The following SEMA6A variants were observed in gnomAD, a reference collection of about 807,000 sequenced individuals.
The protein encoded by SEMA6A is semaphorin-6A.
Under a neutral mutation model 96.8 loss-of-function variants are expected in SEMA6A, and 25 were observed. That is an observed-to-expected ratio of 0.26 (90% confidence interval 0.19 to 0.36). SEMA6A has a LOEUF of 0.36. SEMA6A is among the 10% of genes least tolerant of loss of function. The pLI is 1.00. For synonymous variants in SEMA6A, 612 were observed against 518.0 expected, an observed-to-expected ratio of 1.18 and a Z score of -2.46; for missense variants, 1,363 against 1,323.1, an observed-to-expected ratio of 1.03 and a Z score of -0.47.
chr5:116,502,872 T>C (rs1580445969), intron 2 of SEMA6A, among the ~76,000 whole-genome samples: 1 of 152,326 alleles, frequency 6.6e-6, no homozygotes, highest in East Asian at 1.9e-4. Flanking sequence ...GAGAGGTTGG[T>C]TGGCATTCTA....
At chr5:116,529,982 G>A (rs1224017058) in intron 1 of SEMA6A, among the ~76,000 whole-genome samples, 5 of 151,626 alleles carry the variant, frequency 3.3e-5, no homozygotes, top group Admixed American at 6.6e-5. Context: ...GTATACCCTC[G>A]GAACCTAAAA....
At chr5:116,562,990 G>T (rs1015419400) in intron 1 of SEMA6A, 1 of 557,614 alleles carries the variant, frequency 1.8e-6, no homozygotes, top group Non-Finnish European at 3.4e-6. Flanking sequence ...CAGGAAGGGG[G>T]GTCGCCGTGG....
intron 1 of SEMA6A, among the ~76,000 whole-genome samples, chr5:116,571,986 C>T (rs567027486): frequency 6.6e-6 from 1 of 152,218 alleles, no homozygotes; most frequent in African/African-American, 2.4e-5. Context: ...CCCGCCATCA[C>T]TGTAGCATAC....
intron 1 of SEMA6A, among the ~76,000 whole-genome samples, chr5:116,509,105 C>T (rs2112785820): frequency 6.6e-6 from 1 of 152,294 alleles, no homozygotes; most frequent in South Asian, 2.1e-4. Flanking sequence ...CATCAAGTTG[C>T]ATGGAGGACT....
In SEMA6A at chr5:116,446,393, G is replaced by A. The variant is rs142988530; in HGVS notation, c.*220C>T. On this transcript the variant is annotated 3_prime_UTR_variant, in exon 19 of 19. Coordinates refer to ENST00000343348, the MANE Select transcript of SEMA6A (RefSeq NM_020796.5). ...TAGGGTGTGGGGGAAAGTGAAGGAAGAGAATGAAGGTGAGTCCCCGCCGTT... is the reference window on the plus strand; with the variant it reads ...TAGGGTGTGGGGGAAAGTGAAGGAAAAGAATGAAGGTGAGTCCCCGCCGTT... 3.6e-3 allele frequency: 1,661 copies of A among 459,020 alleles called. 10 individuals are homozygous for A. Among genetic ancestry groups the A allele is most frequent in the Non-Finnish European group, 5.5e-3 (1,450 of 262,210 alleles). The allele number at this position is 459,020 out of a possible 1,614,324, so 28.4% of individuals were successfully genotyped here. A position where few individuals can be genotyped will look rare whatever the true frequency, so the allele number is the denominator to read the frequency against.
intron 17 of SEMA6A, among the ~76,000 whole-genome samples, chr5:116,470,906 T>G (rs1756093116): frequency 1.3e-5 from 2 of 152,194 alleles, no homozygotes; most frequent in Non-Finnish European, 2.9e-5. Flanking sequence ...TGTTTCTTCT[T>G]TCGATGCTAC....
At chr5:116,494,160 A>G (rs1336028808) in intron 6 of SEMA6A, among the ~76,000 whole-genome samples, 1 of 152,050 alleles carries the variant, frequency 6.6e-6, no homozygotes, top group Non-Finnish European at 1.5e-5. Flanking sequence ...CTACATCTCC[A>G]GTTTTTTCTG....
intron 3 of SEMA6A, among the ~76,000 whole-genome samples, chr5:116,498,234 T>G (rs998437753): frequency 2.0e-5 from 3 of 152,146 alleles, no homozygotes; most frequent in Non-Finnish European, 4.4e-5. Context: ...CAGCTCATTT[T>G]CCCTTGAAAT....
chr5:116,530,198 A>G (rs1414911477), intron 1 of SEMA6A, among the ~76,000 whole-genome samples: 1 of 152,164 alleles, frequency 6.6e-6, no homozygotes, highest in Non-Finnish European at 1.5e-5. Flanking sequence ...TAGAAGAGAA[A>G]TATCTCAGTG....
At chr5:116,508,386 A>G (rs1041871283) in intron 1 of SEMA6A, 12 of 152,204 alleles carry the variant, frequency 7.9e-5, no homozygotes, top group African/African-American at 2.2e-4. Flanking sequence ...ATGATTACAA[A>G]GTCAGAGAAT....
At chr5:116,533,125 C>G (rs1456967372) in intron 1 of SEMA6A, among the ~76,000 whole-genome samples, 1 of 152,198 alleles carries the variant, frequency 6.6e-6, no homozygotes, top group African/African-American at 2.4e-5. Context: ...TTAATTCAAA[C>G]TATGCAAAGC....
intron 1 of SEMA6A, among the ~76,000 whole-genome samples, chr5:116,569,972 T>C (rs75723842): frequency 0.016 from 2,403 of 152,266 alleles, 64 homozygotes; most frequent in African/African-American, 0.055. Context: ...CATCTGTGTA[T>C]TATGGTTTTA....
At chr5:116,572,901 G>T (rs147214214) in intron 1 of SEMA6A, among the ~76,000 whole-genome samples, 2,481 of 152,290 alleles carry the variant, frequency 0.016, 40 homozygotes, top group Non-Finnish European at 0.024. Context: ...CTGGTCTAGT[G>T]ACCCCGCCGC....
At chr5:116,453,643 T>A (rs1754793114) in intron 18 of SEMA6A, among the ~76,000 whole-genome samples, 1 of 152,340 alleles carries the variant, frequency 6.6e-6, no homozygotes, top group African/African-American at 2.4e-5. Flanking sequence ...GGTTAATTTA[T>A]CTGCAGTTTC....
chr5:116,539,321 C>T (rs552871138), intron 1 of SEMA6A, among the ~76,000 whole-genome samples: 5 of 152,126 alleles, frequency 3.3e-5, no homozygotes, highest in Non-Finnish European at 5.9e-5. Context: ...GTCACATATT[C>T]CTAATTCTAA....
Position 116,482,451 on chromosome 5 carries a change from T to C in SEMA6A, c.1087A>G (p.Lys363Glu). 1 of 1,613,204 alleles carries C rather than the reference T, an allele frequency of 6.2e-7. No homozygotes were observed. Among genetic ancestry groups the C allele is most frequent in the Non-Finnish European group, 8.5e-7 (1 of 1,179,486 alleles). Residue 363 changes from lysine (K) to glutamate (E), a missense_variant, in exon 11 of 19, where the codon AAG (lysine) becomes GAG (glutamate). Lys to Glu is a moderately conservative substitution (Grantham distance 56, BLOSUM62 1). Transcript: ENST00000343348. ...ATGAATATTTGCACATACCTGGGCT[T>C]AGGAACTCGTTCATCAGGAACTGGT... is the stretch of plus-strand genomic sequence containing the variant. ...WTPVPDERVP[K>E]PRPGCCAGSS... is the part of the protein sequence containing the mutation.
intron 1 of SEMA6A, among the ~76,000 whole-genome samples, chr5:116,568,836 AC>A (rs1761106677): frequency 6.6e-6 from 1 of 152,114 alleles, no homozygotes; most frequent in Non-Finnish European, 1.5e-5. Context: ...ACACACACAC[AC>A]ACACACACAC....
Position 116,447,218 on chromosome 5 carries a change from C to T in SEMA6A, c.2488G>A (p.Val830Met), listed in dbSNP as rs762840003. ...ITQQGYQHEY[V>M]DQPKMSEVAQ... is the part of the protein sequence containing the mutation. The stretch of plus-strand genomic sequence containing the variant: ...ACCTCGCTCATTTTGGGCTGGTCCA[C>T]GTACTCATGCTGGTAGCCCTGCTGC... The change falls in exon 19 of 19, where the codon GTG (valine) becomes ATG (methionine). Residue 830 changes from valine to methionine, a missense_variant. By Grantham distance (21) the Val-to-Met change is conservative. Coordinates refer to ENST00000343348, the MANE Select transcript of SEMA6A (RefSeq NM_020796.5). 13 of 1,613,938 alleles carry T rather than the reference C, an allele frequency of 8.1e-6. No homozygotes were observed. Among genetic ancestry groups the T allele is most frequent in the Non-Finnish European group, 4.2e-6 (5 of 1,179,918 alleles).
chr5:116,521,251 G>A (rs1229138846), intron 1 of SEMA6A, among the ~76,000 whole-genome samples: 2 of 152,154 alleles, frequency 1.3e-5, no homozygotes, highest in Non-Finnish European at 2.9e-5. Flanking sequence ...GGCCTTCCTG[G>A]GACTGTCAAG....
Sources: gnomAD v4.1 joint callset for allele counts (sites outside exome capture counted in the v4.1 genomes callset) on GRCh38, gnomAD v4.1.1 for gene constraint, MANE v1.5 for transcripts, NCBI Gene and HGNC (gene_info 2026-07-23, HGNC 2026-07-21) for gene names.